The following CD226 variants were observed in gnomAD, a reference collection of about 807,000 sequenced individuals.
CD226 encodes the protein CD226 antigen.
CD226 carries 24 observed loss-of-function variants against 34.9 expected under a neutral mutation model. The observed-to-expected ratio is 0.69, with a 90% CI of 0.50 to 0.97. CD226 has a LOEUF of 0.97. CD226 is among the 50% of genes least tolerant of loss of function. CD226 has a pLI of 0.00. For synonymous variants in CD226, 148 were observed against 147.4 expected, an observed-to-expected ratio of 1.00 and a Z score of -0.03; for missense variants, 397 against 412.7, an observed-to-expected ratio of 0.96 and a Z score of 0.33.
At chr18:69,957,081 A>T (rs1265238710), upstream of CD226, 1 of 152,230 alleles carries the variant, frequency 6.6e-6, no homozygotes, top group Admixed American at 6.5e-5. Context: ...TTACTATTGC[A>T]GCTACTCAGA....
At chr18:69,868,655 C>T (rs999070011) in intron 4 of CD226, among the ~76,000 whole-genome samples, 3 of 152,020 alleles carry the variant, frequency 2.0e-5, no homozygotes, top group South Asian at 4.2e-4. Context: ...TATTATTATC[C>T]TCATTTTAAA....
intron 2 of CD226, among the ~76,000 whole-genome samples, chr18:69,926,832 G>C (rs2145322550): frequency 6.6e-6 from 1 of 152,304 alleles, no homozygotes; most frequent in East Asian, 1.9e-4. Context: ...AAACTTTTCA[G>C]ACATCACCAG....
chr18:69,880,884 C>T (rs900887657), intron 3 of CD226, among the ~76,000 whole-genome samples: 2 of 152,070 alleles, frequency 1.3e-5, no homozygotes, highest in Admixed American at 1.3e-4. Context: ...CTCCTGACCT[C>T]GAGGGATCCA....
intron 2 of CD226, among the ~76,000 whole-genome samples, chr18:69,921,638 C>T (rs1016805259): frequency 5.9e-5 from 9 of 152,170 alleles, no homozygotes; most frequent in African/African-American, 1.7e-4. Context: ...TGAGGCCCTT[C>T]GTGGATTGGC....
chr18:69,866,486 A>G (rs1983152402), intron 5 of CD226, among the ~76,000 whole-genome samples: 1 of 152,208 alleles, frequency 6.6e-6, no homozygotes, highest in South Asian at 2.1e-4. Context: ...CCTGCAGCCC[A>G]TAAGGAAATA....
intron 2 of CD226, among the ~76,000 whole-genome samples, chr18:69,919,207 C>T (rs768814640): frequency 2.6e-5 from 4 of 152,162 alleles, no homozygotes; most frequent in African/African-American, 4.8e-5. Flanking sequence ...GCTAATTTGC[C>T]ACTTCGTTTC....
At chr18:69,938,145 G>T (rs576349744) in intron 2 of CD226, among the ~76,000 whole-genome samples, 2 of 152,264 alleles carry the variant, frequency 1.3e-5, no homozygotes, top group South Asian at 4.2e-4. Context: ...CTGGAATATG[G>T]GAGATCACAG....
At position 69,859,327 on chromosome 18, in the gene CD226, A is replaced by G. The variant is rs943611006; in HGVS notation, c.*4987T>C. On this transcript the variant is annotated 3_prime_UTR_variant, in exon 6 of 6. Transcript: ENST00000582621. ...GGTCAATTTATGGTAAATACAGAAA[A>G]AGTCAGTCCCCAGAATGACAATTAT... 1 of 152,158 alleles carries G rather than the reference A, an allele frequency of 6.6e-6. No homozygotes were observed. Among genetic ancestry groups the G allele is most frequent in the East Asian group, 1.9e-4 (1 of 5,192 alleles). The allele number at this position is 152,158 out of a possible 1,614,324, so 9.4% of individuals were successfully genotyped here.
chr18:69,901,564 C>A lies in CD226; in HGVS notation c.383-5519G>T, dbSNP rs138032887. 2.0e-5 allele frequency among the ~76,000 whole-genome samples: 3 copies of A among 152,146 alleles called. No individual in the cohort carries two copies. The East Asian group carries it at 5.8e-4, about 29-fold the overall frequency. ...TTTCTATTTTTGTATATGTTTGAAA[C>A]TTCCATTAAAAAAGCTTTAAAAGTA... On this transcript the variant is annotated intron_variant, in intron 2 of 5. Transcript: ENST00000582621.
upstream of CD226, among the ~76,000 whole-genome samples, chr18:69,960,198 C>T (rs2055923134): frequency 1.3e-5 from 2 of 150,790 alleles, no homozygotes; most frequent in Admixed American, 6.6e-5. Flanking sequence ...CAAGATTGTG[C>T]CACTGCACTC....
At chr18:69,914,617 G>GAGAATGACAACC (rs2055364123) in intron 2 of CD226, among the ~76,000 whole-genome samples, 2 of 152,090 alleles carry the variant, frequency 1.3e-5, no homozygotes, top group Non-Finnish European at 2.9e-5. Context: ...CCTTCTAATT[G>GAGAATGACAACC]AGAATGACAA....
chr18:69,960,777 T>C (rs1245376878), upstream of CD226, among the ~76,000 whole-genome samples: 1 of 152,216 alleles, frequency 6.6e-6, no homozygotes, highest in Non-Finnish European at 1.5e-5. Context: ...AAATATCCTT[T>C]CCTGGGAAAG....
At chr18:69,958,008 T>C (rs78056719), upstream of CD226, among the ~76,000 whole-genome samples, 16 of 152,350 alleles carry the variant, frequency 1.1e-4, no homozygotes, top group East Asian at 3.1e-3. Flanking sequence ...AATGCTCTAA[T>C]GGGGCAGGGC....
At chr18:69,882,738 A>C (rs1448861817) in intron 3 of CD226, among the ~76,000 whole-genome samples, 1 of 152,246 alleles carries the variant, frequency 6.6e-6, no homozygotes, top group East Asian at 1.9e-4. Context: ...TGCAGAAAAG[A>C]GTTCATGTAG....
At chr18:69,883,880 A>G (rs1019973746) in intron 3 of CD226, among the ~76,000 whole-genome samples, 2 of 152,246 alleles carry the variant, frequency 1.3e-5, no homozygotes, top group African/African-American at 4.8e-5. Flanking sequence ...CTGGAAGGAC[A>G]CACAGCTTTC....
chr18:69,956,507 C>T (rs901654495), intron 1 of CD226: 7 of 152,172 alleles, frequency 4.6e-5, no homozygotes, highest in Non-Finnish European at 7.3e-5. Flanking sequence ...ATTATAAATA[C>T]AATTCTAGAG....
At chr18:69,893,997 C>T (rs1389297228) in intron 3 of CD226, among the ~76,000 whole-genome samples, 5 of 151,968 alleles carry the variant, frequency 3.3e-5, no homozygotes, top group Non-Finnish European at 7.4e-5. Context: ...GCCTAGCAAG[C>T]GTTGGCTCTA....
At chr18:69,869,779 T>C (rs192487645) in intron 4 of CD226, among the ~76,000 whole-genome samples, 8 of 151,264 alleles carry the variant, frequency 5.3e-5, no homozygotes, top group Non-Finnish European at 1.0e-4. Context: ...TTTCCCAGGA[T>C]GAGAGATTTT....
At position 69,907,136 on chromosome 18, in the gene CD226, C is replaced by A. The variant is rs187182198; in HGVS notation, c.383-11091G>T. Reference sequence around the variant, plus strand: ...CTCTCCTTCCCTTTCCAATCCAGATCCCCTGATGGGTTTCCCTGCGAACAC... The same window carrying A: ...CTCTCCTTCCCTTTCCAATCCAGATACCCTGATGGGTTTCCCTGCGAACAC... On this transcript the variant is annotated intron_variant, in intron 2 of 5. Coordinates refer to ENST00000582621, the MANE Select transcript of CD226 (RefSeq NM_001303618.2). Among the ~76,000 whole-genome samples, 482 of 152,270 alleles carry A rather than the reference C, an allele frequency of 3.2e-3. 1 individual carries two copies. Among genetic ancestry groups the A allele is most frequent in the Admixed American group, 0.01 (157 of 15,308 alleles).
Sources: allele counts gnomAD v4.1 joint callset (sites outside exome capture counted in the v4.1 genomes callset), GRCh38; gene constraint gnomAD v4.1.1; transcripts MANE v1.5; gene names NCBI Gene and HGNC (gene_info 2026-07-23, HGNC 2026-07-21).